The following PDE11A variants were observed in gnomAD, a reference collection of about 807,000 sequenced individuals.
The protein encoded by PDE11A is dual 3',5'-cyclic-AMP and -GMP phosphodiesterase 11A.
Under a neutral mutation model 100.5 loss-of-function variants are expected in PDE11A, and 100 were observed. The ratio of observed to expected loss-of-function variants is 1.00; its 90% CI spans 0.85 to 1.18. PDE11A has a LOEUF of 1.18. PDE11A is among the 50% of genes most tolerant of loss of function. The pLI, the probability that PDE11A is intolerant of heterozygous loss-of-function variation, is 0.00. For missense variants in PDE11A, 1,141 were observed against 1,152.6 expected (o/e 0.99, Z 0.15); for synonymous variants, 381 against 420.8 (o/e 0.91, Z 1.16).
chr2:177,992,425 T>C lies in PDE11A; in HGVS notation c.1071+21877A>G, dbSNP rs181579568. Among the ~76,000 whole-genome samples, 34 of 143,950 alleles carry C rather than the reference T, an allele frequency of 2.4e-4. 2 individuals carry two copies. Among genetic ancestry groups the C allele is most frequent in the South Asian group, 1.6e-3 (7 of 4,296 alleles). The allele number at this position is 143,950 out of a possible 152,430, so 94.4% of individuals were successfully genotyped here. The stretch of plus-strand genomic sequence containing the variant: ...ATCAAAAACACTTGAATCAAAATGT[T>C]CTATGTATATAGATGGTAAACAGAA... On this transcript the variant is annotated intron_variant, in intron 2 of 19. Coordinates refer to ENST00000286063, the MANE Select transcript of PDE11A (RefSeq NM_016953.4).
In PDE11A at chr2:178,007,159, G is replaced by A. The variant is rs1057338823; in HGVS notation, c.1071+7143C>T. ...ATGTTTTTTATTGATAAGGCAAGAA[G>A]GTTTTCAGAAAAATGAGCAAAATAA... On this transcript the variant is annotated intron_variant, in intron 2 of 19. Transcript: ENST00000286063. Among the ~76,000 whole-genome samples the A allele has an allele frequency of 3.9e-5, 6 of 152,136 alleles. No individual in the cohort carries two copies. In the East Asian group the frequency reaches 9.6e-4, roughly 24 times the overall value.
chr2:178,029,723 G>A (rs2105839940), intron 1 of PDE11A, among the ~76,000 whole-genome samples: 1 of 152,270 alleles, frequency 6.6e-6, no homozygotes, highest in Admixed American at 6.5e-5. Flanking sequence ...ATATATTGAA[G>A]ACAATTGGTT....
At chr2:177,910,269 A>T (rs1574271384) in intron 2 of PDE11A, among the ~76,000 whole-genome samples, 1 of 152,240 alleles carries the variant, frequency 6.6e-6, no homozygotes, top group East Asian at 1.9e-4. Context: ...GAGTTTCTAA[A>T]GAAATGTGCA....
At chr2:178,051,645 T>C (rs964157706) in intron 1 of PDE11A, among the ~76,000 whole-genome samples, 55 of 151,818 alleles carry the variant, frequency 3.6e-4, no homozygotes, top group African/African-American at 1.3e-3. Context: ...AGGCTCAAAA[T>C]AAAGGGATGC....
At chr2:177,661,182 G>C (rs73977698) in intron 19 of PDE11A, among the ~76,000 whole-genome samples, 1 of 152,106 alleles carries the variant, frequency 6.6e-6, no homozygotes, top group Non-Finnish European at 1.5e-5. Context: ...TGTACTCCTC[G>C]GTATTCTTTT....
chr2:177,681,731 G>T (rs1280301273), intron 15 of PDE11A, among the ~76,000 whole-genome samples: 1 of 152,162 alleles, frequency 6.6e-6, no homozygotes, highest in Non-Finnish European at 1.5e-5. Context: ...GTGGGAGTTG[G>T]ACATGTCTCA....
Position 177,701,199 on chromosome 2 carries a change from G to A in PDE11A, c.2166C>T (p.Ala722=). 6 of 1,576,962 alleles carry A rather than the reference G, an allele frequency of 3.8e-6. No individual in the cohort carries two copies. Among genetic ancestry groups the A allele is most frequent in the Non-Finnish European group, 5.2e-6 (6 of 1,146,326 alleles). ...NNAFQAKSGS[A]LAQLYGTSAT... ...CAGAGGTTCCATAGAGTTGGGCCAG[G>A]GCAGAGCCACTCCTGAAAGAGGACA... Residue 722 remains alanine (A), a synonymous_variant, in exon 14 of 20, where the codon GCC becomes GCT. Coordinates refer to ENST00000286063, the MANE Select transcript of PDE11A (RefSeq NM_016953.4).
intron 5 of PDE11A, among the ~76,000 whole-genome samples, chr2:177,840,800 G>A (rs2083480041): frequency 6.6e-6 from 1 of 152,186 alleles, no homozygotes; most frequent in Admixed American, 6.5e-5. Flanking sequence ...AAATCAGGAA[G>A]TAAATTGGGA....
chr2:178,089,737 G>A lies in PDE11A; in HGVS notation c.162+14565C>T, dbSNP rs1178701069. Among the ~76,000 whole-genome samples, 5 of 152,186 alleles carry A rather than the reference G, an allele frequency of 3.3e-5. No individual in the cohort carries two copies. In the East Asian group the frequency reaches 9.6e-4, roughly 29 times the overall value. The stretch of plus-strand genomic sequence containing the variant: ...CTCTGCATCTGGTGATGGGCCTAAG[G>A]TTGTTGTAGATCAGCAGAGCAAGTA... On this transcript the variant is annotated intron_variant, in intron 2 of 20. Transcript: ENST00000358450.
chr2:177,996,371 A>G (rs933105558), intron 2 of PDE11A, among the ~76,000 whole-genome samples: 5 of 151,938 alleles, frequency 3.3e-5, no homozygotes, highest in African/African-American at 1.2e-4. Flanking sequence ...TAACAGATTC[A>G]GCCCCAAAAG....
chr2:177,816,750 G>T, intron 9 of PDE11A, 79 bp downstream of exon 9: 1 of 815,974 alleles, frequency 1.2e-6, no homozygotes. Flanking sequence ...GAGAAATTAA[G>T]CCCCATAACC....
At chr2:177,836,104 G>A (rs374368324) in intron 6 of PDE11A, among the ~76,000 whole-genome samples, 95 of 152,364 alleles carry the variant, frequency 6.2e-4, no homozygotes, top group African/African-American at 2.0e-3. Flanking sequence ...GCCCCAGTGC[G>A]GGATCCACTA....
chr2:177,766,396 G>C (rs1346855864), intron 10 of PDE11A, among the ~76,000 whole-genome samples: 1 of 152,084 alleles, frequency 6.6e-6, no homozygotes, highest in East Asian at 1.9e-4. Context: ...CTGGGTTAAG[G>C]ACCCCTTCTT....
intron 19 of PDE11A, among the ~76,000 whole-genome samples, chr2:177,636,032 A>G (rs556678605): frequency 6.6e-6 from 1 of 152,250 alleles, no homozygotes; most frequent in African/African-American, 2.4e-5. Context: ...GTCAAATTCT[A>G]GAATGGGTAT....
chr2:178,026,597 G>C (rs2086481415), intron 1 of PDE11A, among the ~76,000 whole-genome samples: 1 of 151,292 alleles, frequency 6.6e-6, no homozygotes, highest in South Asian at 2.1e-4. Context: ...GGAGGCAGAG[G>C]TTGCAGTGAG....
At chr2:177,893,228 G>A (rs1156336102) in intron 4 of PDE11A, among the ~76,000 whole-genome samples, 1 of 152,062 alleles carries the variant, frequency 6.6e-6, no homozygotes, top group Non-Finnish European at 1.5e-5. Context: ...ATTCATTCAA[G>A]CCTTTAGGAA....
chr2:177,984,979 T>C (rs2085924549), intron 2 of PDE11A, among the ~76,000 whole-genome samples: 1 of 152,230 alleles, frequency 6.6e-6, no homozygotes, highest in Non-Finnish European at 1.5e-5. Flanking sequence ...TCTGTGTCTC[T>C]ATGTAGTTGT....
intron 13 of PDE11A, among the ~76,000 whole-genome samples, chr2:177,711,297 C>A (rs565042412): frequency 6.6e-6 from 1 of 152,198 alleles, no homozygotes; most frequent in Admixed American, 6.5e-5. Flanking sequence ...ATTCCTTGAA[C>A]GTGGCTTTAT....
intron 2 of PDE11A, among the ~76,000 whole-genome samples, chr2:178,099,446 GAAAAAAAAA>G (rs201692711): frequency 3.1e-4 from 26 of 84,556 alleles, no homozygotes; most frequent in Non-Finnish European, 5.2e-4. Context: ...CATCTCAAGA[GAAAAAAAAA>G]AAAAAAAAAA....
Sources: gnomAD v4.1 joint callset for allele counts (sites outside exome capture counted in the v4.1 genomes callset) on GRCh38, gnomAD v4.1.1 for gene constraint, MANE v1.5 for transcripts, NCBI Gene and HGNC (gene_info 2026-07-23, HGNC 2026-07-21) for gene names.